SLC11A2: variants seen among roughly 807,000 people sequenced by gnomAD.
SLC11A2 encodes the protein natural resistance-associated macrophage protein 2.
SLC11A2 carries 38 observed loss-of-function variants against 68.0 expected under a neutral mutation model. The observed-to-expected ratio is 0.56, with a 90% CI of 0.43 to 0.73. The LOEUF (loss-of-function observed/expected upper bound fraction) is 0.73, where lower values mean the gene tolerates loss of function less well. Ranked by LOEUF, SLC11A2 falls within the 30% of genes least tolerant of loss-of-function variation. SLC11A2 has a pLI of 0.00. For missense variants in SLC11A2, 517 were observed against 690.5 expected (o/e 0.75, Z 2.82); for synonymous variants, 242 against 250.6 (o/e 0.97, Z 0.32).
intron 2 of SLC11A2, 134 bp downstream of exon 2, chr12:51,010,561 T>A: frequency 1.8e-6 from 1 of 567,006 alleles, no homozygotes. Context: ...AGTCACCAGA[T>A]GGTGACTTTT....
At chr12:50,994,420 C>T (rs1311012509) in intron 11 of SLC11A2, 124 bp downstream of exon 11, 12 of 724,962 alleles carry the variant, frequency 1.7e-5, no homozygotes, top group Admixed American at 1.6e-4. Flanking sequence ...GTGTCTGGAA[C>T]TCTGAAATAA....
At chr12:50,990,536 C>T (rs992220954) in intron 15 of SLC11A2, 9 of 415,880 alleles carry the variant, frequency 2.2e-5, no homozygotes, top group Non-Finnish European at 3.4e-5. Flanking sequence ...TTGTCTCGAT[C>T]ACCTGGAGGT....
the SLC11A2 span, among the ~76,000 whole-genome samples, chr12:50,974,043 G>C: frequency 6.6e-6 from 1 of 152,116 alleles, no homozygotes; most frequent in Non-Finnish European, 1.5e-5. Context: ...AGGGAGAATG[G>C]AACCAAGTTG....
the SLC11A2 span, among the ~76,000 whole-genome samples, chr12:50,953,104 C>G: frequency 1.3e-5 from 2 of 152,108 alleles, no homozygotes; most frequent in Admixed American, 1.3e-4. Flanking sequence ...GACCACTCCC[C>G]CAGTCCCCTG....
chr12:50,976,906 G>C (rs1445296511), downstream of SLC11A2, among the ~76,000 whole-genome samples: 1 of 152,106 alleles, frequency 6.6e-6, no homozygotes, highest in Non-Finnish European at 1.5e-5. Flanking sequence ...TTGCTTCAAA[G>C]AGAATAAAAT....
chr12:50,999,687 G>T (rs1360500704), intron 6 of SLC11A2: 4 of 463,128 alleles, frequency 8.6e-6, no homozygotes, highest in Non-Finnish European at 1.6e-5. Flanking sequence ...TAGACAGATA[G>T]AATTTTATAG....
chr12:50,956,430 T>G, the SLC11A2 span, among the ~76,000 whole-genome samples: 1 of 152,214 alleles, frequency 6.6e-6, no homozygotes, highest in Non-Finnish European at 1.5e-5. Flanking sequence ...AATAATTTGT[T>G]TAGCTATTGT....
At chr12:50,969,033 G>A in the SLC11A2 span, among the ~76,000 whole-genome samples, 1 of 151,786 alleles carries the variant, frequency 6.6e-6, no homozygotes, top group Non-Finnish European at 1.5e-5. Context: ...GGTGGCTCAC[G>A]CCTATAATCC....
the SLC11A2 span, among the ~76,000 whole-genome samples, chr12:50,968,355 C>T: frequency 6.6e-6 from 1 of 152,066 alleles, no homozygotes; most frequent in Non-Finnish European, 1.5e-5. Context: ...CCCAACTTAC[C>T]GTAATCTCCA....
intron 12 of SLC11A2, 76 bp from the exon 13 acceptor site, chr12:50,992,415 C>T: frequency 2.2e-6 from 3 of 1,365,582 alleles, no homozygotes; most frequent in Non-Finnish European, 3.1e-6. Flanking sequence ...TCAGGAGAGA[C>T]CTCAGAAGAA....
intron 10 of SLC11A2, 96 bp from the exon 11 acceptor site, chr12:50,994,726 T>C (rs1342102859): frequency 1.3e-6 from 1 of 778,954 alleles, no homozygotes; most frequent in Non-Finnish European, 2.3e-6. Flanking sequence ...CTATAAGAGG[T>C]AGGCTGGAGG....
intron 1 of SLC11A2, chr12:51,025,872 G>A (rs1566049368): frequency 2.0e-6 from 2 of 988,022 alleles, no homozygotes; most frequent in Non-Finnish European, 2.4e-6. Context: ...GCGGCGGGAG[G>A]CCCCGGAGAG....
chr12:50,971,620 T>TA, the SLC11A2 span, among the ~76,000 whole-genome samples: 1 of 152,196 alleles, frequency 6.6e-6, no homozygotes. Flanking sequence ...CCTCAGGGTC[T>TA]AAAAAATTAA....
the SLC11A2 span, chr12:50,970,535 A>T: frequency 5.8e-6 from 8 of 1,379,952 alleles, no homozygotes; most frequent in African/African-American, 7.3e-5. Flanking sequence ...AAGAAAGACA[A>T]GAAGCTTCTG....
Position 50,990,035 on chromosome 12 carries a change from T to C in SLC11A2, c.1575+760A>G, listed in dbSNP as rs1940988547. On this transcript the variant is annotated intron_variant, in intron 15 of 15. Coordinates refer to ENST00000262052, the MANE Select transcript of SLC11A2 (RefSeq NM_000617.3). ...TGGAAAATAGAGAAGAATATATCTA[T>C]AATCCTAGCTTCCTACAACAACTAT... 3.3e-5 allele frequency among the ~76,000 whole-genome samples: 5 copies of C among 150,880 alleles called. No individual in the cohort carries two copies. In the South Asian group the frequency reaches 8.3e-4, roughly 25 times the overall value.
chr12:51,027,175 T>A (rs1254070221), upstream of SLC11A2, among the ~76,000 whole-genome samples: 4 of 141,822 alleles, frequency 2.8e-5, no homozygotes, highest in Admixed American at 2.8e-4. Context: ...AAACTCCGTC[T>A]AAAAAAAAAA....
At chr12:50,953,930 A>T in the SLC11A2 span, 1 of 898,678 alleles carries the variant, frequency 1.1e-6, no homozygotes, top group Non-Finnish European at 1.8e-6. Flanking sequence ...ATGATGGGAG[A>T]GGAAAAACAA....
the SLC11A2 span, among the ~76,000 whole-genome samples, chr12:50,958,026 G>A: frequency 1.1e-4 from 17 of 148,736 alleles, no homozygotes; most frequent in East Asian, 1.2e-3. Flanking sequence ...GGCTGGTCCC[G>A]AACTTCTGAC....
At chr12:50,985,121 G>C (rs76609294), downstream of SLC11A2, among the ~76,000 whole-genome samples, 91 of 152,298 alleles carry the variant, frequency 6.0e-4, no homozygotes, top group East Asian at 0.013. Context: ...TTAGAACACA[G>C]TACTGAGTTA....
Sources: gnomAD v4.1 joint callset for allele counts (sites outside exome capture counted in the v4.1 genomes callset) on GRCh38, gnomAD v4.1.1 for gene constraint, MANE v1.5 for transcripts, NCBI Gene and HGNC (gene_info 2026-07-23, HGNC 2026-07-21) for gene names.